Variants in ANKRD44 observed in about 807,000 individuals in gnomAD.
ANKRD44 encodes serine/threonine-protein phosphatase 6 regulatory ankyrin repeat subunit B.
A neutral mutation model predicts 116.0 loss-of-function variants in ANKRD44; 35 were observed. The ratio of observed to expected loss-of-function variants is 0.30; its 90% CI spans 0.23 to 0.40. The LOEUF (loss-of-function observed/expected upper bound fraction) is 0.40. ANKRD44 is among the 10% of genes least tolerant of loss of function. ANKRD44 has a pLI of 1.00. For missense variants in ANKRD44, 1,014 were observed against 1,242.6 expected (o/e 0.82, Z 2.77); for synonymous variants, 435 against 461.8 (o/e 0.94, Z 0.74).
At chr2:197,225,787 C>G (rs1289041515) in intron 1 of ANKRD44, among the ~76,000 whole-genome samples, 1 of 152,190 alleles carries the variant, frequency 6.6e-6, no homozygotes, top group Non-Finnish European at 1.5e-5. Context: ...ATAACTTTTT[C>G]CCATTGGACT....
intron 27 of ANKRD44, among the ~76,000 whole-genome samples, chr2:196,992,322 C>G (rs75023782): frequency 0.045 from 6,893 of 152,230 alleles, 339 homozygotes; most frequent in African/African-American, 0.13. Context: ...TAAGAATGAA[C>G]AGGTAGTTTA....
At chr2:197,217,285 A>G (rs1049577266) in intron 1 of ANKRD44, among the ~76,000 whole-genome samples, 4 of 152,230 alleles carry the variant, frequency 2.6e-5, no homozygotes. Context: ...TATAACATAA[A>G]TGCTACCAGG....
At chr2:197,048,095 A>G (rs1476571815) in intron 16 of ANKRD44, among the ~76,000 whole-genome samples, 1 of 152,162 alleles carries the variant, frequency 6.6e-6, no homozygotes, top group Non-Finnish European at 1.5e-5. Flanking sequence ...ATTTTTAACT[A>G]TATGAATAAA....
At position 197,151,986 on chromosome 2, in the gene ANKRD44, T is replaced by C. The variant is rs114630407; in HGVS notation, c.112-4881A>G. Reference sequence around the variant, plus strand: ...TTCTGAATTGGGAATTAAACACATCTTGCCCAGGACTCCCTAAAGGTCCTA... The same window carrying C: ...TTCTGAATTGGGAATTAAACACATCCTGCCCAGGACTCCCTAAAGGTCCTA... On this transcript the variant is annotated intron_variant, in intron 2 of 27. Transcript: ENST00000282272. 2.0e-3 allele frequency among the ~76,000 whole-genome samples: 299 copies of C among 152,308 alleles called. 2 individuals carry two copies. Among genetic ancestry groups the C allele is most frequent in the African/African-American group, 6.9e-3 (286 of 41,552 alleles).
intron 1 of ANKRD44, among the ~76,000 whole-genome samples, chr2:197,232,907 G>A (rs898604900): frequency 6.6e-6 from 1 of 152,144 alleles, no homozygotes; most frequent in African/African-American, 2.4e-5. Flanking sequence ...CCTCATATTT[G>A]TAAAATATTT....
Position 197,112,603 on chromosome 2 carries a change from G to A in ANKRD44, c.907-1759C>T, listed in dbSNP as rs575778662. ...GGGGCCTGTAGTCCTAGCTGCTTGGGAGGCTGAGGCAGGAGAATGGCGTGA... is the reference window on the plus strand; with the variant it reads ...GGGGCCTGTAGTCCTAGCTGCTTGGAAGGCTGAGGCAGGAGAATGGCGTGA... On this transcript the variant is annotated intron_variant, in intron 8 of 27. Coordinates refer to ENST00000282272, the MANE Select transcript of ANKRD44 (RefSeq NM_001195144.2). Among the ~76,000 whole-genome samples, 7 of 151,890 alleles carry A rather than the reference G, an allele frequency of 4.6e-5. No homozygotes were observed. The East Asian group carries it at 9.7e-4, about 21-fold the overall frequency.
chr2:197,255,586 T>C (rs2082425311), intron 1 of ANKRD44, among the ~76,000 whole-genome samples: 1 of 152,250 alleles, frequency 6.6e-6, no homozygotes, highest in South Asian at 2.1e-4. Context: ...AATCTGTAAA[T>C]TGTAAGTTAT....
At position 197,099,915 on chromosome 2, in the gene ANKRD44, C is replaced by T; in HGVS notation, c.1001G>A (p.Cys334Tyr). Residue 334 changes from cysteine to tyrosine, a missense_variant, in exon 10 of 28, where the codon TGT becomes TAT. Transcript: ENST00000282272. ...TLIQNGGEID[C>Y]VDKDGNTPLH... ...AGGAGTGTTGCCGTCCTTATCCACA[C>T]AGTCAATTTCACCTCCTGAAAGAGA... The T allele has an allele frequency of 1.2e-6, 2 of 1,614,120 alleles. No homozygotes were observed. Among genetic ancestry groups the T allele is most frequent in the Non-Finnish European group, 1.7e-6 (2 of 1,179,992 alleles).
chr2:196,982,304 G>T (rs2075807782), downstream of ANKRD44, among the ~76,000 whole-genome samples: 1 of 151,938 alleles, frequency 6.6e-6, no homozygotes, highest in African/African-American at 2.4e-5. Flanking sequence ...TGTTTTCAAA[G>T]AAAGTTAATT....
chr2:197,139,902 C>T (rs866803410), intron 3 of ANKRD44, among the ~76,000 whole-genome samples: 4 of 134,600 alleles, frequency 3.0e-5, no homozygotes, highest in African/African-American at 9.2e-5. Context: ...GTGTGTGAAA[C>T]GGAGTCTTGC....
intron 1 of ANKRD44, among the ~76,000 whole-genome samples, chr2:197,247,539 T>C (rs941577435): frequency 2.6e-5 from 4 of 152,180 alleles, no homozygotes; most frequent in African/African-American, 9.7e-5. Flanking sequence ...TGGCAAGAAG[T>C]GGGATAAAAT....
At chr2:197,082,549 T>C (rs2077822366) in intron 14 of ANKRD44, among the ~76,000 whole-genome samples, 1 of 152,206 alleles carries the variant, frequency 6.6e-6, no homozygotes, top group African/African-American at 2.4e-5. Context: ...TTACATACTA[T>C]ATGAACTATA....
rs534188693 is a variant in ANKRD44 at position 197,203,961 on chromosome 2, G to C, written c.28-16855C>G. 6.6e-6 allele frequency among the ~76,000 whole-genome samples: 1 copy of C among 152,272 alleles called. No homozygotes were observed. The highest frequency in any genetic ancestry group is 2.1e-4 in the South Asian group (1 of 4,824). On this transcript the variant is annotated intron_variant, in intron 1 of 27. Transcript: ENST00000282272. The surrounding 1 kb of genome is among the most constrained non-coding windows in gnomAD (Gnocchi z 4.1). Reference sequence around the variant, plus strand: ...AGTTACCAGGGATCGGGAGGGAACGGGAAGTGACTGCTTCATGGATACAGA... The same window carrying C: ...AGTTACCAGGGATCGGGAGGGAACGCGAAGTGACTGCTTCATGGATACAGA...
chr2:197,308,423 A>G (rs372946556), intron 1 of ANKRD44, among the ~76,000 whole-genome samples: 46 of 152,318 alleles, frequency 3.0e-4, no homozygotes, highest in African/African-American at 1.1e-3. Context: ...ATAAGGCAAG[A>G]AAGACCACAC....
chr2:197,279,243 T>C (rs1417279156), intron 1 of ANKRD44, among the ~76,000 whole-genome samples: 1 of 152,138 alleles, frequency 6.6e-6, no homozygotes, highest in Non-Finnish European at 1.5e-5. Flanking sequence ...GAGGGTCAGT[T>C]CCTAATACAA....
At chr2:197,253,274 A>G (rs760011285) in intron 1 of ANKRD44, among the ~76,000 whole-genome samples, 6 of 152,222 alleles carry the variant, frequency 3.9e-5, no homozygotes, top group Admixed American at 6.5e-5. Flanking sequence ...CAATTTATCT[A>G]CTGATGGCTT....
intron 1 of ANKRD44, among the ~76,000 whole-genome samples, chr2:197,202,538 T>G (rs2081115552): frequency 6.6e-6 from 1 of 152,026 alleles, no homozygotes; most frequent in Non-Finnish European, 1.5e-5. Flanking sequence ...GTCAGAGTAG[T>G]GGACAATTTC....
intron 8 of ANKRD44, among the ~76,000 whole-genome samples, chr2:197,118,649 A>AAGAGAGAGAGAGAGAGAG (rs2078776424): frequency 1.3e-5 from 2 of 149,252 alleles, no homozygotes; most frequent in Non-Finnish European, 3.0e-5. Flanking sequence ...GAAAGAAAGA[A>AAGAGAGAGAGAGAGAGAG]AGAAAGAAAG....
At chr2:197,210,620 T>C (rs778615606) in intron 1 of ANKRD44, among the ~76,000 whole-genome samples, 17 of 152,176 alleles carry the variant, frequency 1.1e-4, no homozygotes, top group Non-Finnish European at 1.9e-4. Context: ...AGGAAGCAAA[T>C]TGTCCTCATG....
Sources: gnomAD v4.1 joint callset for allele counts (sites outside exome capture counted in the v4.1 genomes callset) on GRCh38, gnomAD v4.1.1 for gene constraint, Gnocchi (gnomAD v3.1) non-coding constraint, MANE v1.5 for transcripts, NCBI Gene and HGNC (gene_info 2026-07-23, HGNC 2026-07-21) for gene names.